WNK2: variants seen among roughly 807,000 people sequenced by gnomAD.
WNK2 encodes the protein WNK lysine deficient protein kinase 2.
WNK2 carries 67 observed loss-of-function variants against 192.1 expected under a neutral mutation model. The ratio of observed to expected loss-of-function variants is 0.35; its 90% CI spans 0.29 to 0.43. The LOEUF is 0.43. WNK2 is among the 20% of genes least tolerant of loss of function. The pLI is 1.00. For missense variants in WNK2, 2,698 were observed against 3,089.7 expected, an observed-to-expected ratio of 0.87 and a Z score of 3.01; for synonymous variants, 1,439 against 1,393.9, an observed-to-expected ratio of 1.03 and a Z score of -0.72.
rs113309643 is a variant in WNK2, at chr9:93,222,003, T to C, written c.682-7693T>C. 6.6e-4 allele frequency among the ~76,000 whole-genome samples: 101 copies of C among 152,356 alleles called. 1 individual carries two copies. The highest frequency in any genetic ancestry group is 2.2e-3 in the African/African-American group (90 of 41,576). On this transcript the variant is annotated intron_variant, in intron 2 of 29. Transcript: ENST00000427277. The stretch of plus-strand genomic sequence containing the variant: ...CTTTTACAACTGTTTGACCCTATGA[T>C]GACACATTTTACATCCCAACTTACC...
Position 93,184,969 on chromosome 9 carries a change from C to T in WNK2, c.40C>T (p.Leu14=). Residue 14 remains leucine (L), a synonymous_variant, in exon 2 of 30, where the codon CTG becomes TTG. Transcript: ENST00000427277. ...DGGRRDVPGT[L]MEPGRGAGPA... Reference sequence around the variant, plus strand: ...CGGCCGCCGAGACGTCCCCGGCACGCTGATGGAGCCCGGGCGCGGCGCGGG... The same window carrying T: ...CGGCCGCCGAGACGTCCCCGGCACGTTGATGGAGCCCGGGCGCGGCGCGGG... 1 of 1,237,554 alleles carries T rather than the reference C, an allele frequency of 8.1e-7. No individual in the cohort carries two copies. Among genetic ancestry groups the T allele is most frequent in the Non-Finnish European group, 1.0e-6 (1 of 993,494 alleles). The allele number at this position is 1,237,554 out of a possible 1,614,324, so 76.7% of individuals were successfully genotyped here. A position where few individuals can be genotyped will look rare whatever the true frequency, so the allele number is the denominator to read the frequency against.
At chr9:93,188,237 G>A (rs1257971111) in intron 2 of WNK2, among the ~76,000 whole-genome samples, 1 of 152,166 alleles carries the variant, frequency 6.6e-6, no homozygotes, top group Non-Finnish European at 1.5e-5. Context: ...GCCCTCCACA[G>A]GCTGGGGGGC....
chr9:93,258,795 C>A, intron 11 of WNK2, 136 bp from the exon 12 acceptor site: 1 of 732,212 alleles, frequency 1.4e-6, no homozygotes, highest in Non-Finnish European at 2.3e-6. Flanking sequence ...ACAAAGGTGT[C>A]TCGGAGGGAA....
intron 26 of WNK2, among the ~76,000 whole-genome samples, chr9:93,304,607 G>C (rs1852176359): frequency 1.3e-5 from 2 of 152,240 alleles, no homozygotes; most frequent in Admixed American, 1.3e-4. Flanking sequence ...AGGAGGTGGG[G>C]GTGCTTTTCC....
At chr9:93,203,076 G>T (rs891926011) in intron 2 of WNK2, among the ~76,000 whole-genome samples, 1 of 151,980 alleles carries the variant, frequency 6.6e-6, no homozygotes, top group East Asian at 1.9e-4. Flanking sequence ...CAGGCCTTGT[G>T]GGGTGGGGCA....
chr9:93,263,760 TGTGGTGGGGGTGGGGGC>T, intron 15 of WNK2, 26 bp downstream of exon 15: 1 of 1,014,762 alleles, frequency 9.9e-7, no homozygotes, highest in Non-Finnish European at 1.2e-6. Context: ...GTGGCGGGGG[TGTGGTGGGGGTGGGGGC>T]ATGGTGGGGG....
At chr9:93,211,177 T>C (rs1291593705) in intron 2 of WNK2, among the ~76,000 whole-genome samples, 152 of 5,900 alleles carry the variant, frequency 0.026, no homozygotes, top group Middle Eastern at 0.15. Context: ...CACTCATACA[T>C]CCACTCATTC....
chr9:93,318,839 A>G (rs1855171683), intron 29 of WNK2: 1 of 1,400,170 alleles, frequency 7.1e-7, no homozygotes, highest in Non-Finnish European at 9.3e-7. Flanking sequence ...TGGGAGGGGA[A>G]GGCCCCAGCC....
At chr9:93,254,084 T>G (rs1842952053) in intron 9 of WNK2, among the ~76,000 whole-genome samples, 1 of 152,142 alleles carries the variant, frequency 6.6e-6, no homozygotes, top group South Asian at 2.1e-4. Context: ...GCCCAGCTAA[T>G]TTTTGTGTTT....
At chr9:93,191,091 CTG>C (rs1400370126) in intron 2 of WNK2, among the ~76,000 whole-genome samples, 1 of 152,034 alleles carries the variant, frequency 6.6e-6, no homozygotes, top group African/African-American at 2.4e-5. Context: ...AGTGCCACGA[CTG>C]TGTCAGGCTC....
intron 7 of WNK2, among the ~76,000 whole-genome samples, chr9:93,242,958 T>G (rs1192728865): frequency 6.6e-6 from 1 of 152,124 alleles, no homozygotes; most frequent in Non-Finnish European, 1.5e-5. Flanking sequence ...TTATGCTTGG[T>G]CAGTGCTGGG....
At chr9:93,249,547 C>T (rs1019684376) in intron 8 of WNK2, among the ~76,000 whole-genome samples, 2 of 152,158 alleles carry the variant, frequency 1.3e-5, no homozygotes, top group Non-Finnish European at 1.5e-5. Context: ...GATCTCGGCT[C>T]ACTGCAAGCT....
chr9:93,240,806 C>T (rs1840640174), intron 7 of WNK2, among the ~76,000 whole-genome samples: 2 of 152,186 alleles, frequency 1.3e-5, no homozygotes. Flanking sequence ...GTAAAATCGC[C>T]ACTGCCCACA....
Position 93,247,468 on chromosome 9 carries a change from A to G in WNK2, c.1543-75A>G, listed in dbSNP as rs1588159840. On this transcript the variant is annotated intron_variant, in intron 7 of 29. Coordinates refer to ENST00000427277, the MANE Select transcript of WNK2 (RefSeq NM_006648.4). The surrounding 1 kb of genome is among the most constrained non-coding windows in gnomAD (Gnocchi z 5.2). ...CTGCGTGGATGAGCCAGTGATGGGA[A>G]AGCACTTTAGGTAAGGGGTGTGGGC... The G allele has an allele frequency of 6.6e-7, 1 of 1,514,124 alleles. No homozygotes were observed. The highest frequency in any genetic ancestry group is 2.4e-5 in the East Asian group (1 of 41,220). 93.8% of individuals were successfully genotyped at this position (1,514,124 alleles called of 1,614,324 possible).
intron 19 of WNK2, among the ~76,000 whole-genome samples, chr9:93,277,028 C>A (rs1224635306): frequency 6.6e-6 from 1 of 151,126 alleles, no homozygotes; most frequent in Non-Finnish European, 1.5e-5. Flanking sequence ...GAGCTAGACT[C>A]CGTCTCAAAA....
At position 93,264,049 on chromosome 9, in the gene WNK2, G is replaced by A; in HGVS notation, c.3696+16G>A. On this transcript the variant is annotated intron_variant, in intron 16 of 29. Coordinates refer to ENST00000427277, the MANE Select transcript of WNK2 (RefSeq NM_006648.4). Reference sequence around the variant, plus strand: ...CACGTATATGGTGAGGCTGGGTCTGGGTGGCTTGGCTCCCGGTGTTTCTTG... The same window carrying A: ...CACGTATATGGTGAGGCTGGGTCTGAGTGGCTTGGCTCCCGGTGTTTCTTG... The A allele has an allele frequency of 6.3e-7, 1 of 1,597,396 alleles. No homozygotes were observed.
At chr9:93,227,182 C>T (rs1186833156) in intron 2 of WNK2, among the ~76,000 whole-genome samples, 2 of 150,840 alleles carry the variant, frequency 1.3e-5, no homozygotes, top group South Asian at 4.2e-4. Context: ...GGCACAATCT[C>T]GGCTCACTGC....
chr9:93,229,725 G>A lies in WNK2; in HGVS notation c.711G>A (p.Gln237=). ...QDRKLTKLER[Q]RFKEEAEMLK... ...GGAAGCTCACCAAGCTGGAGCGGCA[G>A]CGGTTCAAGGAAGAGGCTGAGATGC... The change falls in exon 3 of 30, where the codon CAG becomes CAA. Residue 237 remains glutamine (Q), a synonymous_variant. Coordinates refer to ENST00000427277, the MANE Select transcript of WNK2 (RefSeq NM_006648.4). This position sits in a 1 kb window ranked among gnomAD's most constrained non-coding sequence, Gnocchi z 4.9. The A allele has an allele frequency of 6.2e-7, 1 of 1,613,474 alleles. No individual in the cohort carries two copies.
rs1481367095 is a variant in WNK2 at position 93,234,704 on chromosome 9, A to G, written c.1076-104A>G. 5 of 1,351,768 alleles carry G rather than the reference A, an allele frequency of 3.7e-6. No homozygotes were observed. The African/African-American group carries it at 7.3e-5, about 20-fold the overall frequency. 83.7% of individuals were successfully genotyped at this position (1,351,768 alleles called of 1,614,324 possible). ...GTTCTGAGTGTGCCATGGGATGTGG[A>G]GGGGACATGGGGTTCTGGGCAGCCA... On this transcript the variant is annotated intron_variant, in intron 4 of 29. Transcript: ENST00000427277.
Sources: gnomAD v4.1 joint callset for allele counts (sites outside exome capture counted in the v4.1 genomes callset) on GRCh38, gnomAD v4.1.1 for gene constraint, Gnocchi (gnomAD v3.1) non-coding constraint, MANE v1.5 for transcripts, NCBI Gene and HGNC (gene_info 2026-07-23, HGNC 2026-07-21) for gene names.